The following RNGTT variants were observed in gnomAD, a reference collection of about 807,000 sequenced individuals.
RNGTT encodes the protein mRNA-capping enzyme.
Under a neutral mutation model 79.3 loss-of-function variants are expected in RNGTT, and 33 were observed. The ratio of observed to expected loss-of-function variants is 0.42; its 90% CI spans 0.32 to 0.56. RNGTT has a LOEUF of 0.56. Among genes scored for constraint, RNGTT ranks in the 20% least tolerant of loss-of-function variants. The pLI is 0.17. For synonymous variants in RNGTT, 222 were observed against 235.9 expected (o/e 0.94, Z 0.54); for missense variants, 497 against 739.1 (o/e 0.67, Z 3.80).
At chr6:88,958,509 G>A (rs201654525) in intron 1 of RNGTT, among the ~76,000 whole-genome samples, 1 of 152,016 alleles carries the variant, frequency 6.6e-6, no homozygotes, top group South Asian at 2.1e-4. Flanking sequence ...ACAAGGAACT[G>A]AAACAAATGA....
At chr6:88,757,761 C>CA (rs1778068685) in intron 13 of RNGTT, among the ~76,000 whole-genome samples, 1 of 152,084 alleles carries the variant, frequency 6.6e-6, no homozygotes, top group Non-Finnish European at 1.5e-5. Context: ...GTTGAAAAGA[C>CA]AAAGACATAT....
chr6:88,745,155 G>A (rs752573927), intron 13 of RNGTT, among the ~76,000 whole-genome samples: 6 of 152,080 alleles, frequency 3.9e-5, no homozygotes, highest in Admixed American at 6.6e-5. Context: ...AAAAAGGAAA[G>A]CAGCAACTTT....
intron 13 of RNGTT, among the ~76,000 whole-genome samples, chr6:88,720,081 C>CCATTG (rs1776657056): frequency 6.6e-6 from 1 of 152,136 alleles, no homozygotes; most frequent in African/African-American, 2.4e-5. Context: ...TAACATGTTT[C>CCATTG]CATTGCATTG....
rs530060027 is a variant in RNGTT at position 88,882,917 on chromosome 6, C to A, written c.896+7578G>T. Among the ~76,000 whole-genome samples the A allele has an allele frequency of 5.3e-5, 8 of 152,234 alleles. No individual in the cohort carries two copies. The East Asian group carries it at 1.3e-3, about 26-fold the overall frequency. Reference sequence around the variant, plus strand: ...CTCCAGAACTATGAAAAATAAATTTCTGTTGTTTATAAATTACCCAATCTG... The same window carrying A: ...CTCCAGAACTATGAAAAATAAATTTATGTTGTTTATAAATTACCCAATCTG... On this transcript the variant is annotated intron_variant, in intron 8 of 15. Coordinates refer to ENST00000369485, the MANE Select transcript of RNGTT (RefSeq NM_003800.5).
At chr6:88,904,033 G>A (rs948727265) in intron 6 of RNGTT, among the ~76,000 whole-genome samples, 2 of 152,104 alleles carry the variant, frequency 1.3e-5, no homozygotes, top group Admixed American at 6.5e-5. Flanking sequence ...CCCAGGGAGG[G>A]GGATGCAGAA....
chr6:88,962,385 A>G (rs1164779882), intron 1 of RNGTT, among the ~76,000 whole-genome samples: 4 of 152,246 alleles, frequency 2.6e-5, no homozygotes, highest in African/African-American at 7.2e-5. Flanking sequence ...TAATCCCAAC[A>G]CTTTGGGAGG....
intron 12 of RNGTT, among the ~76,000 whole-genome samples, chr6:88,770,567 G>T (rs563232726): frequency 5.4e-4 from 82 of 152,252 alleles, no homozygotes; most frequent in African/African-American, 1.9e-3. Context: ...TATCTGGGTT[G>T]TTTCCAGTTT....
intron 12 of RNGTT, among the ~76,000 whole-genome samples, chr6:88,790,335 A>G (rs1265390354): frequency 6.6e-6 from 1 of 152,202 alleles, no homozygotes; most frequent in South Asian, 2.1e-4. Context: ...TAGAAGGACC[A>G]CTAAACCTCT....
rs368041014 is a variant in RNGTT, at chr6:88,826,241, C to A, written c.1269+18116G>T. ...AGAAAATCTGGTTCCATATAAACAA[C>A]AGAGTTGTCTGACACCCTTCTTCAA... On this transcript the variant is annotated intron_variant, in intron 11 of 15. Transcript: ENST00000369485. 2.6e-5 allele frequency among the ~76,000 whole-genome samples: 4 copies of A among 152,260 alleles called. No homozygotes were observed. In the East Asian group the frequency reaches 5.8e-4, roughly 22 times the overall value.
intron 13 of RNGTT, among the ~76,000 whole-genome samples, chr6:88,712,780 C>G (rs1776363055): frequency 6.6e-6 from 1 of 152,098 alleles, no homozygotes; most frequent in Middle Eastern, 3.4e-3. Context: ...CCAGCTTTAT[C>G]TGATGTTGAC....
chr6:88,787,014 A>G (rs1779250048), intron 12 of RNGTT, among the ~76,000 whole-genome samples: 1 of 152,088 alleles, frequency 6.6e-6, no homozygotes, highest in African/African-American at 2.4e-5. Context: ...ATCTGCCAAC[A>G]CCTTGATCTT....
intron 14 of RNGTT, among the ~76,000 whole-genome samples, chr6:88,673,134 A>G (rs1281951560): frequency 6.6e-6 from 1 of 152,180 alleles, no homozygotes; most frequent in Non-Finnish European, 1.5e-5. Context: ...CAAGCCACCC[A>G]CACTGAGGAA....
intron 13 of RNGTT, among the ~76,000 whole-genome samples, chr6:88,767,649 A>C (rs1467774406): frequency 4.7e-5 from 6 of 127,978 alleles, no homozygotes; most frequent in Non-Finnish European, 4.8e-5. Flanking sequence ...TTGAAGTCTT[A>C]TTTTTCGAAG....
Position 88,894,784 on chromosome 6 carries a change from T to C in RNGTT, c.685-2869A>G, listed in dbSNP as rs138975234. 1.3e-4 allele frequency among the ~76,000 whole-genome samples: 20 copies of C among 152,230 alleles called. No individual in the cohort carries two copies. The East Asian group carries it at 3.3e-3, about 25-fold the overall frequency. ...TGGAAAGATCACTAATTCTAAACAGTGGCCAGATGTGGTGACTCATGCCAG... is the reference window on the plus strand; with the variant it reads ...TGGAAAGATCACTAATTCTAAACAGCGGCCAGATGTGGTGACTCATGCCAG... On this transcript the variant is annotated intron_variant, in intron 6 of 15. Transcript: ENST00000369485.
intron 6 of RNGTT, among the ~76,000 whole-genome samples, chr6:88,893,386 A>G (rs1783118278): frequency 1.3e-5 from 2 of 152,132 alleles, no homozygotes; most frequent in African/African-American, 2.4e-5. Context: ...CAAAGTTAAG[A>G]AATTTACATT....
chr6:88,732,448 G>T (rs751651208), intron 13 of RNGTT, among the ~76,000 whole-genome samples: 1 of 152,144 alleles, frequency 6.6e-6, no homozygotes, highest in Non-Finnish European at 1.5e-5. Context: ...AAACAGTATG[G>T]CAGTTCCTTA....
chr6:88,832,665 A>T (rs898164635), intron 11 of RNGTT, among the ~76,000 whole-genome samples: 1 of 152,222 alleles, frequency 6.6e-6, no homozygotes, highest in Non-Finnish European at 1.5e-5. Context: ...GAATGGAGAA[A>T]ATTTTTACAA....
At chr6:88,914,929 A>T (rs1216176701) in intron 4 of RNGTT, among the ~76,000 whole-genome samples, 1 of 152,198 alleles carries the variant, frequency 6.6e-6, no homozygotes, top group Non-Finnish European at 1.5e-5. Context: ...AACAAGCAAA[A>T]AACAAATAAA....
At chr6:88,739,793 C>G (rs1777422898) in intron 13 of RNGTT, among the ~76,000 whole-genome samples, 1 of 98,328 alleles carries the variant, frequency 1.0e-5, no homozygotes. Context: ...ACACATGCTC[C>G]ATTTATCTAA....
Sources: allele counts gnomAD v4.1 joint callset (sites outside exome capture counted in the v4.1 genomes callset), GRCh38; gene constraint gnomAD v4.1.1; transcripts MANE v1.5; gene names NCBI Gene and HGNC (gene_info 2026-07-23, HGNC 2026-07-21).